The following TPD52 variants were observed in gnomAD, a reference collection of about 807,000 sequenced individuals.
TPD52 encodes tumor protein D52.
A neutral mutation model predicts 31.3 loss-of-function variants in TPD52; 17 were observed. That is an observed-to-expected ratio of 0.54 (90% confidence interval 0.37 to 0.82). The LOEUF (loss-of-function observed/expected upper bound fraction) is 0.82. Among genes scored for constraint, TPD52 ranks in the 40% least tolerant of loss-of-function variants. The pLI is 0.00. For missense variants in TPD52, 212 were observed against 240.1 expected (o/e 0.88, Z 0.77); for synonymous variants, 83 against 89.6 (o/e 0.93, Z 0.42).
intron 1 of TPD52, among the ~76,000 whole-genome samples, chr8:80,107,820 G>A (rs1563631715): frequency 2.0e-5 from 3 of 151,906 alleles, no homozygotes; most frequent in South Asian, 2.1e-4. Context: ...TTAAATTGTC[G>A]GTAAAATAAA....
chr8:80,136,073 G>C (rs1026318401), intron 1 of TPD52, among the ~76,000 whole-genome samples: 8 of 139,080 alleles, frequency 5.8e-5, no homozygotes, highest in Admixed American at 1.5e-4. Flanking sequence ...CATGGCACAT[G>C]TATACATATG....
Position 80,053,389 on chromosome 8 carries a change from T to G in TPD52, c.177A>C (p.Ala59=), listed in dbSNP as rs753222977. The G allele has an allele frequency of 1.2e-6, 2 of 1,613,754 alleles. No homozygotes were observed. Among genetic ancestry groups the G allele is most frequent in the South Asian group, 2.2e-5 (2 of 91,066 alleles). ...EIQTLSQVLA[A]KEKHLAEIKR... ...TGATCTCTGCTAGATGCTTCTCTTT[T>G]GCTGCTAACACTTGAGACAGAGTCT... Residue 59 remains alanine, a synonymous_variant, in exon 3 of 8, where the codon GCA becomes GCC. Coordinates refer to ENST00000518937, the MANE Select transcript of TPD52 (RefSeq NM_001025253.3).
chr8:80,121,566 A>C (rs1441589560), intron 1 of TPD52, among the ~76,000 whole-genome samples: 1 of 152,210 alleles, frequency 6.6e-6, no homozygotes, highest in Non-Finnish European at 1.5e-5. Flanking sequence ...CAGACCATCC[A>C]AACTAATCCC....
At chr8:80,050,522 TA>T in intron 4 of TPD52, 51 bp from the exon 5 acceptor site, 1 of 1,536,104 alleles carries the variant, frequency 6.5e-7, no homozygotes, top group Non-Finnish European at 8.8e-7. Context: ...CTGATAAATC[TA>T]AAACAATTAA....
At chr8:80,056,851 AG>A (rs1307855726) in intron 2 of TPD52, among the ~76,000 whole-genome samples, 1 of 152,188 alleles carries the variant, frequency 6.6e-6, no homozygotes, top group African/African-American at 2.4e-5. Flanking sequence ...CTCCACTCCT[AG>A]GTATATATAA....
At chr8:80,050,518 A>T (rs1188065914) in intron 4 of TPD52, 47 bp from the exon 5 acceptor site, 1 of 1,550,588 alleles carries the variant, frequency 6.4e-7, no homozygotes, top group Non-Finnish European at 8.7e-7. Flanking sequence ...AGTTCTGATA[A>T]ATCTAAAACA....
chr8:80,161,738 T>A lies in TPD52; in HGVS notation c.19+9687A>T, dbSNP rs926796811. On this transcript the variant is annotated intron_variant, in intron 1 of 7. Transcript: ENST00000518937. ...TATATATATATATATATATATTTTT[T>A]TTTTTTTCTGAGACAGAGTCTCGCT... Among the ~76,000 whole-genome samples the A allele has an allele frequency of 4.8e-3, 707 of 148,368 alleles. 10 individuals carry two copies. Among genetic ancestry groups the A allele is most frequent in the African/African-American group, 0.016 (647 of 40,222 alleles).
chr8:80,034,749 C>T lies in TPD52; in HGVS notation c.*3367G>A, dbSNP rs1446278052. ...TAAAGTGAAAGATCACGTCCATTTACAAATATTCAAACAAAACTGTATTTG... is the reference window on the plus strand; with the variant it reads ...TAAAGTGAAAGATCACGTCCATTTATAAATATTCAAACAAAACTGTATTTG... On this transcript the variant is annotated 3_prime_UTR_variant, in exon 8 of 8. Transcript: ENST00000518937. 6.6e-6 allele frequency: 1 copy of T among 152,108 alleles called. No individual in the cohort carries two copies. Among genetic ancestry groups the T allele is most frequent in the African/African-American group, 2.4e-5 (1 of 41,406 alleles). 9.4% of individuals were successfully genotyped at this position (152,108 alleles called of 1,614,324 possible). A position where few individuals can be genotyped will look rare whatever the true frequency, so the allele number is the denominator to read the frequency against.
rs187967525 is a variant in TPD52 at position 80,042,553 on chromosome 8, C to T, written c.504+67G>A. 93 of 1,551,756 alleles carry T rather than the reference C, an allele frequency of 6.0e-5. No homozygotes were observed. In the East Asian group the frequency reaches 1.6e-3, roughly 26 times the overall value. On this transcript the variant is annotated intron_variant, in intron 7 of 7. Transcript: ENST00000518937. ...AAGAAATATTAATGTCAATGATTTT[C>T]GCACAGCAAAGTTAATTAAGACACC... is the stretch of plus-strand genomic sequence containing the variant.
intron 1 of TPD52, among the ~76,000 whole-genome samples, chr8:80,105,474 A>G (rs762105622): frequency 6.6e-6 from 1 of 151,972 alleles, no homozygotes; most frequent in Non-Finnish European, 1.5e-5. Context: ...TGCTTGCTCA[A>G]TCGATCACGA....
At chr8:80,138,031 C>A (rs1008766426) in intron 1 of TPD52, among the ~76,000 whole-genome samples, 1 of 152,098 alleles carries the variant, frequency 6.6e-6, no homozygotes, top group Non-Finnish European at 1.5e-5. Context: ...TGCAACCTCG[C>A]CTCCCAGGTT....
At chr8:80,076,618 CAT>C (rs1048873868) in intron 1 of TPD52, among the ~76,000 whole-genome samples, 9 of 152,270 alleles carry the variant, frequency 5.9e-5, no homozygotes, top group East Asian at 1.9e-4. Context: ...CCCTATGACA[CAT>C]GTTTACCCAT....
intron 2 of TPD52, among the ~76,000 whole-genome samples, chr8:80,061,864 C>T (rs1812593290): frequency 1.3e-5 from 2 of 151,976 alleles, no homozygotes; most frequent in Non-Finnish European, 2.9e-5. Flanking sequence ...ATAAATATAA[C>T]TAAGGAAGTA....
chr8:80,046,577 C>T (rs191835498), intron 5 of TPD52, among the ~76,000 whole-genome samples: 2 of 152,270 alleles, frequency 1.3e-5, no homozygotes, highest in East Asian at 3.9e-4. Context: ...AGTAAAAAGT[C>T]ATGTTGCTAC....
chr8:80,148,343 T>TAC (rs1461217375), intron 1 of TPD52, among the ~76,000 whole-genome samples: 1 of 151,382 alleles, frequency 6.6e-6, no homozygotes, highest in East Asian at 1.9e-4. Context: ...TGTGTGTGTG[T>TAC]GTACAGAGAG....
chr8:80,146,017 A>G (rs1311696542), intron 1 of TPD52, among the ~76,000 whole-genome samples: 1 of 152,216 alleles, frequency 6.6e-6, no homozygotes, highest in Non-Finnish European at 1.5e-5. Context: ...TGAATTCCAA[A>G]AAATTAAAAA....
chr8:80,083,862 A>T (rs1344302451), intron 1 of TPD52, among the ~76,000 whole-genome samples: 1 of 152,184 alleles, frequency 6.6e-6, no homozygotes, highest in Non-Finnish European at 1.5e-5. Context: ...AAAGTACTTC[A>T]AAGTCAGCAT....
intron 1 of TPD52, among the ~76,000 whole-genome samples, chr8:80,158,148 CA>C (rs1202901926): frequency 2.0e-5 from 3 of 152,106 alleles, no homozygotes; most frequent in Non-Finnish European, 1.5e-5. Context: ...TTAAAACACC[CA>C]TGACTTCTCC....
At chr8:80,072,333 G>GTGTGTGTGTGTC (rs1215408887) in intron 1 of TPD52, among the ~76,000 whole-genome samples, 1 of 150,806 alleles carries the variant, frequency 6.6e-6, no homozygotes, top group Non-Finnish European at 1.5e-5. Context: ...GTGTGTGTGT[G>GTGTGTGTGTGTC]TGTGTGTGTG....
Sources: allele counts gnomAD v4.1 joint callset (sites outside exome capture counted in the v4.1 genomes callset), GRCh38; gene constraint gnomAD v4.1.1; transcripts MANE v1.5; gene names NCBI Gene and HGNC (gene_info 2026-07-23, HGNC 2026-07-21).